SLC12A2: variants seen among roughly 807,000 people sequenced by gnomAD.
SLC12A2 encodes the protein solute carrier family 12 member 2.
SLC12A2 carries 67 observed loss-of-function variants against 136.3 expected under a neutral mutation model. The observed-to-expected ratio is 0.49, with a 90% confidence interval of 0.40 to 0.60. The LOEUF (loss-of-function observed/expected upper bound fraction) is 0.60. Among genes scored for constraint, SLC12A2 ranks in the 20% least tolerant of loss-of-function variants. The pLI is 0.00. For missense variants in SLC12A2, 1,322 were observed against 1,534.7 expected, an observed-to-expected ratio of 0.86 and a Z score of 2.32; for synonymous variants, 619 against 562.9, an observed-to-expected ratio of 1.10 and a Z score of -1.41.
intron 4 of SLC12A2, among the ~76,000 whole-genome samples, chr5:128,120,691 A>C (rs1761531743): frequency 6.6e-6 from 1 of 151,834 alleles, no homozygotes; most frequent in African/African-American, 2.4e-5. Context: ...GGGGAACATC[A>C]CACTCTGGGG....
intron 1 of SLC12A2, among the ~76,000 whole-genome samples, 190 bp from the exon 2 acceptor site, chr5:128,112,624 G>T (rs557683432): frequency 6.0e-4 from 91 of 152,302 alleles, no homozygotes; most frequent in Middle Eastern, 3.4e-3. Context: ...AGAAATTTCA[G>T]TAATTAAGGT....
intron 21 of SLC12A2, among the ~76,000 whole-genome samples, chr5:128,177,873 A>C (rs1234926406): frequency 6.6e-6 from 1 of 152,104 alleles, no homozygotes; most frequent in Non-Finnish European, 1.5e-5. Flanking sequence ...TGGGAATATA[A>C]ATGGGAACTC....
intron 4 of SLC12A2, among the ~76,000 whole-genome samples, chr5:128,115,132 A>G (rs1761298531): frequency 6.6e-6 from 1 of 152,052 alleles, no homozygotes; most frequent in Admixed American, 6.6e-5. Flanking sequence ...AAATTAATTA[A>G]TATATTTATT....
At chr5:128,085,854 G>C (rs1760083440) in intron 1 of SLC12A2, among the ~76,000 whole-genome samples, 1 of 152,154 alleles carries the variant, frequency 6.6e-6, no homozygotes, top group South Asian at 2.1e-4. Flanking sequence ...AGCTCTTACA[G>C]CTTATTGATT....
At chr5:128,103,644 A>G (rs1760824278) in intron 1 of SLC12A2, among the ~76,000 whole-genome samples, 1 of 152,208 alleles carries the variant, frequency 6.6e-6, no homozygotes, top group Non-Finnish European at 1.5e-5. Flanking sequence ...AAGAAGAAAC[A>G]ATATGTTAGG....
chr5:128,093,499 C>T (rs958271980), intron 1 of SLC12A2, among the ~76,000 whole-genome samples: 2 of 152,004 alleles, frequency 1.3e-5, no homozygotes, highest in Admixed American at 1.3e-4. Flanking sequence ...GTATTTCTTC[C>T]CATTCCCTCC....
chr5:128,155,386 T>C (rs563729243), intron 15 of SLC12A2, among the ~76,000 whole-genome samples: 53 of 152,314 alleles, frequency 3.5e-4, no homozygotes, highest in African/African-American at 9.9e-4. Flanking sequence ...ATCCTTACCT[T>C]TATACCCCAT....
intron 4 of SLC12A2, among the ~76,000 whole-genome samples, chr5:128,122,311 G>A (rs1337563040): frequency 2.0e-5 from 3 of 152,166 alleles, no homozygotes; most frequent in African/African-American, 7.2e-5. Context: ...CAATTGTTGA[G>A]CATTTTGTGA....
intron 1 of SLC12A2, among the ~76,000 whole-genome samples, chr5:128,089,806 A>T (rs1209719923): frequency 6.6e-6 from 1 of 152,212 alleles, no homozygotes; most frequent in East Asian, 1.9e-4. Context: ...ATCTCCTCTA[A>T]CCATGAGCTG....
intron 5 of SLC12A2, 118 bp downstream of exon 5, chr5:128,131,324 A>C: frequency 9.5e-7 from 1 of 1,051,816 alleles, no homozygotes; most frequent in Non-Finnish European, 1.4e-6. Context: ...TTCGTCCTTC[A>C]TAAAGTTTAC....
chr5:128,084,306 G>A lies in SLC12A2; in HGVS notation c.352G>A (p.Ala118Thr), dbSNP rs1244155188. 4 of 1,518,048 alleles carry A rather than the reference G, an allele frequency of 2.6e-6. No homozygotes were observed. The highest frequency in any genetic ancestry group is 3.5e-6 in the Non-Finnish European group (4 of 1,138,400). 94.0% of individuals were successfully genotyped at this position (1,518,048 alleles called of 1,614,324 possible). A position where few individuals can be genotyped will look rare whatever the true frequency, so the allele number is the denominator to read the frequency against. Residue 118 changes from alanine (A) to threonine (T), a missense_variant, in exon 1 of 27, where the codon GCG becomes ACG. Ala to Thr is a moderately conservative substitution (Grantham distance 58, BLOSUM62 0). This residue lies in a region of SLC12A2 where 358 missense variants were observed against 299.7 expected (regional missense o/e 1.19). Transcript: ENST00000262461. This position sits in a 1 kb window ranked among gnomAD's most constrained non-coding sequence, Gnocchi z 5.6. Reference protein sequence around the residue: ...GAGAGAKQTPADGEASGESEP... With the variant: ...GAGAGAKQTPTDGEASGESEP... ...TGGGGCGGGGGCCAAGCAGACCCCCGCGGACGGGGAAGCCAGCGGCGAGAG... is the reference window on the plus strand; with the variant it reads ...TGGGGCGGGGGCCAAGCAGACCCCCACGGACGGGGAAGCCAGCGGCGAGAG...
intron 1 of SLC12A2, among the ~76,000 whole-genome samples, chr5:128,104,267 C>A (rs1760848323): frequency 6.6e-6 from 1 of 152,146 alleles, no homozygotes; most frequent in African/African-American, 2.4e-5. Flanking sequence ...GCCCTCTCTA[C>A]CAGAATAGCC....
intron 18 of SLC12A2, chr5:128,168,817 A>G (rs1763282635): frequency 6.6e-6 from 1 of 152,180 alleles, no homozygotes; most frequent in Non-Finnish European, 1.5e-5. Context: ...TCACCTGCCC[A>G]TGGCTCACCT....
At chr5:128,180,393 C>T (rs1252164998) in intron 22 of SLC12A2, among the ~76,000 whole-genome samples, 1 of 152,118 alleles carries the variant, frequency 6.6e-6, no homozygotes, top group African/African-American at 2.4e-5. Flanking sequence ...TTTACTGAAT[C>T]ATAGTGTTTA....
chr5:128,167,206 A>G (rs1283865617), intron 17 of SLC12A2, among the ~76,000 whole-genome samples: 2 of 152,122 alleles, frequency 1.3e-5, no homozygotes, highest in South Asian at 2.1e-4. Flanking sequence ...CCTGAAACCA[A>G]TTCCCTATTG....
intron 26 of SLC12A2, 111 bp downstream of exon 26, chr5:128,184,967 TAAG>T: frequency 4.1e-6 from 4 of 968,066 alleles, no homozygotes; most frequent in Non-Finnish European, 6.2e-6. Flanking sequence ...TTAGTGGTTA[TAAG>T]GAGGAAAAAA....
chr5:128,114,154 T>A, intron 2 of SLC12A2, 58 bp from the exon 3 acceptor site: 2 of 1,225,022 alleles, frequency 1.6e-6, no homozygotes, highest in Non-Finnish European at 2.4e-6. Flanking sequence ...TAATGCTTAC[T>A]ATATAATGTT....
chr5:128,150,524 A>T (rs536984727), intron 13 of SLC12A2, among the ~76,000 whole-genome samples: 2 of 151,998 alleles, frequency 1.3e-5, no homozygotes, highest in African/African-American at 4.8e-5. Context: ...TGTTCCTTTT[A>T]AAGATTTGAA....
intron 22 of SLC12A2, 21 bp downstream of exon 22, chr5:128,178,710 A>T (rs763089081): frequency 1.1e-5 from 16 of 1,520,244 alleles, no homozygotes; most frequent in South Asian, 6.5e-5. Flanking sequence ...TAATTTTTTT[A>T]AAATGATTTT....
Sources: gnomAD v4.1 joint callset for allele counts (sites outside exome capture counted in the v4.1 genomes callset) on GRCh38, gnomAD v4.1.1 for gene constraint, gnomAD v4.1.1 regional missense constraint, Gnocchi (gnomAD v3.1) non-coding constraint, MANE v1.5 for transcripts, NCBI Gene and HGNC (gene_info 2026-07-23, HGNC 2026-07-21) for gene names.